OGFOD1: variants seen among roughly 807,000 people sequenced by gnomAD.
OGFOD1 encodes the protein 2-oxoglutarate and iron dependent oxygenase domain containing 1, also known as prolyl 3-hydroxylase OGFOD1.
OGFOD1 carries 54 observed loss-of-function variants against 67.7 expected under a neutral mutation model. The observed-to-expected ratio is 0.80, with a 90% confidence interval of 0.64 to 1.00. The LOEUF is 1.00. OGFOD1 is among the 50% of genes least tolerant of loss of function. The probability of loss-of-function intolerance (pLI) is 0.00; values close to 1 mark genes in which losing one functional copy is unlikely to be tolerated. For synonymous variants in OGFOD1, 221 were observed against 227.0 expected, an observed-to-expected ratio of 0.97 and a Z score of 0.24; for missense variants, 606 against 646.7, an observed-to-expected ratio of 0.94 and a Z score of 0.68.
chr16:56,465,993 A>G (rs1049456898), intron 4 of OGFOD1, 159 bp from the exon 5 acceptor site: 1 of 567,400 alleles, frequency 1.8e-6, no homozygotes, highest in Non-Finnish European at 3.2e-6. Flanking sequence ...TTGTTTACTT[A>G]TAAAAGAGGA....
At position 56,451,585 on chromosome 16, in the gene OGFOD1, G is replaced by A. The variant is rs1962331905; in HGVS notation, c.-28G>A. ...TCAGGAAGGTAGCGTCTTGATCTGCGTGGCGTGGTTCTGTGCCTTGGGAAG... is the reference window on the plus strand; with the variant it reads ...TCAGGAAGGTAGCGTCTTGATCTGCATGGCGTGGTTCTGTGCCTTGGGAAG... On this transcript the variant is annotated 5_prime_UTR_variant, in exon 1 of 13. It adds an upstream start codon to the 5' untranslated region. Transcript: ENST00000566157. The A allele has an allele frequency of 1.2e-6, 2 of 1,612,028 alleles. No individual in the cohort carries two copies. The highest frequency in any genetic ancestry group is 1.7e-6 in the Non-Finnish European group (2 of 1,179,612).
Position 56,470,523 on chromosome 16 carries a change from G to A in OGFOD1, c.1017G>A (p.Glu339=). ...YEKAEESKLP[E]ILKECMKLFR... ...AAGCTGAGGAGAGTAAGCTTCCTGA[G>A]ATATTGAAGGAGTGCATGAAGTTAT... is the stretch of plus-strand genomic sequence containing the variant. Residue 339 remains glutamate (E), a synonymous_variant, in exon 10 of 13, where the codon GAG becomes GAA. Coordinates refer to ENST00000566157, the MANE Select transcript of OGFOD1 (RefSeq NM_018233.4). 6 of 1,613,620 alleles carry A rather than the reference G, an allele frequency of 3.7e-6. No homozygotes were observed. Among genetic ancestry groups the A allele is most frequent in the Non-Finnish European group, 5.1e-6 (6 of 1,179,856 alleles).
chr16:56,458,176 A>G (rs1962590899), intron 2 of OGFOD1: 1 of 237,952 alleles, frequency 4.2e-6, no homozygotes, highest in Non-Finnish European at 8.3e-6. Flanking sequence ...ACCTGTTTAT[A>G]ATTGCAAACC....
At chr16:56,469,334 A>C (rs77079257) in intron 8 of OGFOD1, among the ~76,000 whole-genome samples, 1 of 152,196 alleles carries the variant, frequency 6.6e-6, no homozygotes, top group Non-Finnish European at 1.5e-5. Flanking sequence ...AATGCAGTTT[A>C]ATTTTTTATC....
chr16:56,451,916 C>A, intron 1 of OGFOD1, 150 bp downstream of exon 1: 1 of 811,574 alleles, frequency 1.2e-6, no homozygotes, highest in Non-Finnish European at 1.9e-6. Flanking sequence ...CCTGCCTCGG[C>A]TGCTGCTCCC....
rs1421538671 is a variant in OGFOD1 at position 56,477,326 on chromosome 16, T to C, written c.*1121T>C. 2.6e-5 allele frequency: 4 copies of C among 152,180 alleles called. No homozygotes were observed. Among genetic ancestry groups the C allele is most frequent in the Non-Finnish European group, 5.9e-5 (4 of 68,038 alleles). The allele number at this position is 152,180 out of a possible 1,614,324, so 9.4% of individuals were successfully genotyped here. On this transcript the variant is annotated 3_prime_UTR_variant, in exon 13 of 13. Coordinates refer to ENST00000566157, the MANE Select transcript of OGFOD1 (RefSeq NM_018233.4). ...CTCTCACAGTACAGTGTAGGCTTAGTGTAGTATTATTCCCTTGGAAAGGGT... is the reference window on the plus strand; with the variant it reads ...CTCTCACAGTACAGTGTAGGCTTAGCGTAGTATTATTCCCTTGGAAAGGGT...
intron 10 of OGFOD1, 147 bp from the exon 11 acceptor site, chr16:56,474,681 T>G (rs1382207267): frequency 1.6e-6 from 1 of 621,330 alleles, no homozygotes; most frequent in Non-Finnish European, 2.7e-6. Flanking sequence ...TTTATAAGGC[T>G]GGATTGGTAG....
At chr16:56,472,519 ATAGCAGTGCTAAACATTGGCATAGC>A (rs1266222069) in intron 10 of OGFOD1, among the ~76,000 whole-genome samples, 1 of 152,258 alleles carries the variant, frequency 6.6e-6, no homozygotes, top group East Asian at 1.9e-4. Context: ...TGGGCATATG[ATAGCAGTGCTAAACATTGGCATAGC>A]TAGGGCACAT....
chr16:56,452,995 T>C (rs550706539), intron 1 of OGFOD1, among the ~76,000 whole-genome samples: 1 of 151,716 alleles, frequency 6.6e-6, no homozygotes, highest in South Asian at 2.1e-4. Flanking sequence ...TTGAAACACA[T>C]AAAAAAAAGA....
chr16:56,468,491 G>A (rs756309889), intron 8 of OGFOD1, among the ~76,000 whole-genome samples: 126 of 152,286 alleles, frequency 8.3e-4, no homozygotes, highest in East Asian at 5.8e-4. Context: ...GGAGGCCGAG[G>A]TGGCCAGATA....
intron 2 of OGFOD1, among the ~76,000 whole-genome samples, chr16:56,455,366 C>CA (rs780229604): frequency 0.048 from 3,282 of 68,168 alleles, 113 homozygotes; most frequent in African/African-American, 0.14. Flanking sequence ...GACTCCACCT[C>CA]AAAAAAAAAA....
chr16:56,461,166 T>G (rs1282525047), intron 3 of OGFOD1, among the ~76,000 whole-genome samples: 3 of 152,240 alleles, frequency 2.0e-5, no homozygotes. Context: ...AAATGTATAT[T>G]TGGTCTTGGT....
At chr16:56,459,738 T>G (rs1217609183) in intron 3 of OGFOD1, among the ~76,000 whole-genome samples, 3 of 152,242 alleles carry the variant, frequency 2.0e-5, no homozygotes, top group Non-Finnish European at 4.4e-5. Flanking sequence ...TTTGATGCTT[T>G]GTTGTTTTTT....
chr16:56,451,862 G>T (rs1962349874), intron 1 of OGFOD1, 96 bp downstream of exon 1: 1 of 1,403,376 alleles, frequency 7.1e-7, no homozygotes, highest in Non-Finnish European at 9.6e-7. Flanking sequence ...CAGCGGGGCC[G>T]CAAGGGAAGA....
At position 56,451,694 on chromosome 16, in the gene OGFOD1, G is replaced by A. The variant is rs1413300121; in HGVS notation, c.82G>A (p.Asp28Asn). Residue 28 changes from aspartate (D) to asparagine (N), a missense_variant, in exon 1 of 13, where the codon GAC becomes AAC. Physicochemically the swap from Asp to Asn is conservative, Grantham distance 23. Transcript: ENST00000566157. The part of the protein sequence containing the change: ...GKKEVMAEFS[D>N]AVTEETLKKQ... ...GAAGGAGGTGATGGCGGAGTTTTCG[G>A]ACGCTGTTACGGAAGAAACCTTGAA... The A allele has an allele frequency of 6.2e-7, 1 of 1,614,140 alleles. No individual in the cohort carries two copies. The highest frequency in any genetic ancestry group is 8.5e-7 in the Non-Finnish European group (1 of 1,180,022).
chr16:56,469,055 A>G (rs1339308555), intron 8 of OGFOD1, among the ~76,000 whole-genome samples: 1 of 152,248 alleles, frequency 6.6e-6, no homozygotes, highest in African/African-American at 2.4e-5. Context: ...GAGAAGTATT[A>G]TAGTAAATAA....
At position 56,476,306 on chromosome 16, in the gene OGFOD1, C is replaced by A; in HGVS notation, c.*101C>A. Reference sequence around the variant, plus strand: ...CAAGGAGAACTACATGGTAGCTTGCCTGACAGTGTTCTTAAAACTGGTTGT... The same window carrying A: ...CAAGGAGAACTACATGGTAGCTTGCATGACAGTGTTCTTAAAACTGGTTGT... On this transcript the variant is annotated 3_prime_UTR_variant, in exon 13 of 13. Transcript: ENST00000566157. The A allele has an allele frequency of 8.9e-7, 1 of 1,118,756 alleles. No individual in the cohort carries two copies. The highest frequency in any genetic ancestry group is 1.3e-6 in the Non-Finnish European group (1 of 790,716). 69.3% of individuals were successfully genotyped at this position (1,118,756 alleles called of 1,614,324 possible).
At chr16:56,462,995 T>C (rs1567548379) in intron 4 of OGFOD1, among the ~76,000 whole-genome samples, 1 of 152,336 alleles carries the variant, frequency 6.6e-6, no homozygotes, top group East Asian at 1.9e-4. Flanking sequence ...CTCTTTTTTA[T>C]TTTGAAGGCA....
At chr16:56,452,434 T>C (rs1182033458) in intron 1 of OGFOD1, among the ~76,000 whole-genome samples, 1 of 152,246 alleles carries the variant, frequency 6.6e-6, no homozygotes, top group East Asian at 1.9e-4. Context: ...CGTTGAACGA[T>C]TCCAGCCTCA....
Sources: allele counts gnomAD v4.1 joint callset (sites outside exome capture counted in the v4.1 genomes callset), GRCh38; gene constraint gnomAD v4.1.1; transcripts MANE v1.5; gene names NCBI Gene and HGNC (gene_info 2026-07-23, HGNC 2026-07-21).